Variants in XRN1 observed in about 807,000 individuals in gnomAD.
XRN1 encodes 5'-3' exoribonuclease 1, also known as strand-exchange protein 1 homolog.
XRN1 carries 67 observed loss-of-function variants against 222.3 expected under a neutral mutation model. The observed-to-expected ratio is 0.30, with a 90% CI of 0.25 to 0.37. XRN1 has a LOEUF of 0.37. Among genes scored for constraint, XRN1 ranks in the 10% least tolerant of loss-of-function variants. The pLI, the probability that XRN1 is intolerant of heterozygous loss-of-function variation, is 1.00. For missense variants in XRN1, 1,707 were observed against 2,000.2 expected, an observed-to-expected ratio of 0.85 and a Z score of 2.80; for synonymous variants, 643 against 652.4, an observed-to-expected ratio of 0.99 and a Z score of 0.22.
intron 32 of XRN1, among the ~76,000 whole-genome samples, chr3:142,350,160 G>T (rs1577267359): frequency 6.6e-6 from 1 of 152,126 alleles, no homozygotes; most frequent in Non-Finnish European, 1.5e-5. Flanking sequence ...GTTGAGGCAG[G>T]ATTCCAACCC....
At chr3:142,325,190 G>A (rs1434978667) in intron 37 of XRN1, among the ~76,000 whole-genome samples, 2 of 152,096 alleles carry the variant, frequency 1.3e-5, no homozygotes, top group African/African-American at 4.8e-5. Context: ...CACCAACAAT[G>A]TATGAGGGTT....
At chr3:142,326,135 C>T (rs1214617102) in intron 37 of XRN1, among the ~76,000 whole-genome samples, 1 of 150,648 alleles carries the variant, frequency 6.6e-6, no homozygotes, top group African/African-American at 2.4e-5. Flanking sequence ...GGATCGTGTG[C>T]GGTTCAAGAT....
intron 40 of XRN1, 80 bp downstream of exon 40, chr3:142,312,514 ATAAG>A (rs2065104621): frequency 7.3e-7 from 1 of 1,372,982 alleles, no homozygotes; most frequent in African/African-American, 1.5e-5. Context: ...TTGGCACTGA[ATAAG>A]TAAACTGAAT....
chr3:142,380,616 A>G (rs1473227479), intron 22 of XRN1, among the ~76,000 whole-genome samples: 1 of 151,948 alleles, frequency 6.6e-6, no homozygotes, highest in Non-Finnish European at 1.5e-5. Context: ...GGTCTCCCCA[A>G]AGTGGTAAGA....
At chr3:142,426,526 G>T in intron 3 of XRN1, 2 of 506,230 alleles carry the variant, frequency 4.0e-6, no homozygotes, top group Non-Finnish European at 7.0e-6. Flanking sequence ...GTCCATATCT[G>T]CTCTAATTTA....
chr3:142,324,606 T>C (rs1194027277), intron 37 of XRN1, among the ~76,000 whole-genome samples: 1 of 128,812 alleles, frequency 7.8e-6, no homozygotes, highest in Non-Finnish European at 1.8e-5. Flanking sequence ...TTTGGGTATA[T>C]ACCCAGTAAT....
rs145471429 is a variant in XRN1 at position 142,424,127 on chromosome 3, G to A, written c.628-485C>T. Among the ~76,000 whole-genome samples, 197 of 151,318 alleles carry A rather than the reference G, an allele frequency of 1.3e-3. 7 individuals carry two copies. In the East Asian group the frequency reaches 0.032, roughly 25 times the overall value. ...TCTTTTTTTTTTGAGACAGAGTCTCGCTCTGTTGCCCAGGCTGGAGCAGTG... is the reference window on the plus strand; with the variant it reads ...TCTTTTTTTTTTGAGACAGAGTCTCACTCTGTTGCCCAGGCTGGAGCAGTG... On this transcript the variant is annotated intron_variant, in intron 5 of 40. Transcript: ENST00000392981.
chr3:142,407,912 G>T (rs779360437), intron 15 of XRN1, among the ~76,000 whole-genome samples: 1 of 152,190 alleles, frequency 6.6e-6, no homozygotes, highest in African/African-American at 2.4e-5. Flanking sequence ...GACAAATGCA[G>T]TACTTCAATA....
chr3:142,367,412 G>A (rs1308447944), intron 27 of XRN1, among the ~76,000 whole-genome samples: 4 of 152,112 alleles, frequency 2.6e-5, no homozygotes, highest in African/African-American at 9.7e-5. Context: ...GAGAAGCACT[G>A]CTCTAGAGGA....
rs2065042601 is a variant in XRN1, at chr3:142,309,883, G to A, written c.*1628C>T. ...CTTTAAAAACAAAGAGAGAGTTTAT[G>A]AGGCAATAATTATACACATTGAGGA... On this transcript the variant is annotated 3_prime_UTR_variant, in exon 41 of 41. Transcript: ENST00000392981. The A allele has an allele frequency of 6.6e-6, 1 of 152,304 alleles. No individual in the cohort carries two copies. The highest frequency in any genetic ancestry group is 2.1e-4 in the South Asian group (1 of 4,830). 9.4% of individuals were successfully genotyped at this position (152,304 alleles called of 1,614,324 possible). A position where few individuals can be genotyped will look rare whatever the true frequency, so the allele number is the denominator to read the frequency against.
chr3:142,432,769 T>A lies in XRN1; in HGVS notation c.200A>T (p.Tyr67Phe). 3 of 1,613,848 alleles carry A rather than the reference T, an allele frequency of 1.9e-6. No individual in the cohort carries two copies. Among genetic ancestry groups the A allele is most frequent in the Non-Finnish European group, 2.5e-6 (3 of 1,179,972 alleles). Reference sequence around the variant, plus strand: ...AATAATGCGAAACAACACCTCCAGGTAGTGAAAAATATCAGTAAAGATTTT... The same window carrying A: ...AATAATGCGAAACAACACCTCCAGGAAGTGAAAAATATCAGTAAAGATTTT... ...DDKIFTDIFH[Y>F]LEVLFRIIKP... Residue 67 changes from tyrosine (Y) to phenylalanine (F), a missense_variant, in exon 2 of 41, where the codon TAC becomes TTC. This residue lies in a region of XRN1 where 1,234 missense variants were observed against 1,518.2 expected (regional missense o/e 0.81). Transcript: ENST00000392981.
In XRN1 at chr3:142,418,586, C is replaced by T; in HGVS notation, c.1264G>A (p.Asp422Asn). ...AACTCAGTTTCAAATAGGTCATCATCTTCAGTCTCATCTTCTAAATTATCT... is the reference window on the plus strand; with the variant it reads ...AACTCAGTTTCAAATAGGTCATCATTTTCAGTCTCATCTTCTAAATTATCT... Reference protein sequence around the residue: ...SKDNLEDETEDDDLFETEFRQ... With the variant: ...SKDNLEDETENDDLFETEFRQ... The change falls in exon 12 of 41, where the codon GAT becomes AAT. Residue 422 changes from aspartate to asparagine, a missense_variant. By Grantham distance (23) the Asp-to-Asn change is conservative. This residue lies in a region of XRN1 where 1,234 missense variants were observed against 1,518.2 expected (regional missense o/e 0.81). Transcript: ENST00000392981. 1 of 1,599,688 alleles carries T rather than the reference C, an allele frequency of 6.3e-7. No individual in the cohort carries two copies. The highest frequency in any genetic ancestry group is 8.5e-7 in the Non-Finnish European group (1 of 1,176,152).
At position 142,397,477 on chromosome 3, in the gene XRN1, A is replaced by C. The variant is rs2067973465; in HGVS notation, c.2208-17T>G. 1.3e-6 allele frequency: 2 copies of C among 1,565,736 alleles called. No homozygotes were observed. The highest frequency in any genetic ancestry group is 4.6e-5 in the East Asian group (2 of 43,890). On this transcript the variant is annotated splice_polypyrimidine_tract_variant and intron_variant, in intron 19 of 40. Transcript: ENST00000392981. ...AAGTAAAACCTTAAGAGTTAAAATA[A>C]AAATTATATAACCAAAATGTTCTGG...
intron 37 of XRN1, among the ~76,000 whole-genome samples, chr3:142,324,020 G>A (rs1296641095): frequency 6.6e-6 from 1 of 150,834 alleles, no homozygotes; most frequent in African/African-American, 2.4e-5. Flanking sequence ...TTTTTGCTGT[G>A]TTAGGAACAT....
Position 142,447,909 on chromosome 3 carries a change from CT to C in XRN1, c.35del (p.Glu12GlyfsTer10). 6.2e-7 allele frequency: 1 copy of C among 1,614,052 alleles called. No individual in the cohort carries two copies. The highest frequency in any genetic ancestry group is 8.5e-7 in the Non-Finnish European group (1 of 1,179,994). On this transcript the variant is annotated frameshift_variant, in exon 1 of 41. Transcript: ENST00000392981. LOFTEE classifies it high-confidence loss of function. The surrounding 1 kb of genome is among the most constrained non-coding windows in gnomAD (Gnocchi z 4.2). ...GVPKFYRWIS[E>X]RYPCLSEVVK... ...CCACTTCGCTGAGACAGGGATACCG[CT>C]CTGAGATCCATCTGTAAAACTTGGG...
intron 21 of XRN1, 152 bp from the exon 22 acceptor site, chr3:142,383,565 A>G: frequency 1.5e-6 from 1 of 657,498 alleles, no homozygotes. Context: ...TTGACTGGTT[A>G]TATGGCAGGC....
intron 1 of XRN1, among the ~76,000 whole-genome samples, chr3:142,438,183 C>T (rs537812030): frequency 6.6e-6 from 1 of 152,320 alleles, no homozygotes; most frequent in Non-Finnish European, 1.5e-5. Context: ...AGCCCAGACC[C>T]CTTTCTTTGT....
chr3:142,322,786 C>T (rs996225607), intron 37 of XRN1, among the ~76,000 whole-genome samples: 3 of 151,988 alleles, frequency 2.0e-5, no homozygotes, highest in Non-Finnish European at 2.9e-5. Flanking sequence ...AGGTGGATCA[C>T]GAGGTAAGGA....
chr3:142,316,214 C>CTTTTTTTTTTTTT (rs377522108), intron 39 of XRN1, among the ~76,000 whole-genome samples: 5 of 111,842 alleles, frequency 4.5e-5, no homozygotes, highest in African/African-American at 1.7e-4. Flanking sequence ...TCATTATCTT[C>CTTTTTTTTTTTTT]TTTTTTTTTT....
Sources: gnomAD v4.1 joint callset for allele counts (sites outside exome capture counted in the v4.1 genomes callset) on GRCh38, gnomAD v4.1.1 for gene constraint, gnomAD v4.1.1 regional missense constraint, Gnocchi (gnomAD v3.1) non-coding constraint, MANE v1.5 for transcripts, NCBI Gene and HGNC (gene_info 2026-07-23, HGNC 2026-07-21) for gene names.